ZBTB12: variants seen among roughly 807,000 people sequenced by gnomAD.
The protein encoded by ZBTB12 is zinc finger and BTB domain containing 12.
ZBTB12 carries 1 observed loss-of-function variant against 6.4 expected under a neutral mutation model. The ratio of observed to expected loss-of-function variants is 0.16; its 90% CI spans 0.06 to 0.74. The LOEUF (loss-of-function observed/expected upper bound fraction) is 0.74, where lower values mean the gene tolerates loss of function less well. Among genes scored for constraint, ZBTB12 ranks in the 30% least tolerant of loss-of-function variants. ZBTB12 has a pLI of 0.78. For synonymous variants in ZBTB12, 273 were observed against 262.5 expected (o/e 1.04, Z -0.39); for missense variants, 344 against 613.9 (o/e 0.56, Z 4.65).
rs375461795 is a variant in ZBTB12 at position 31,900,880 on chromosome 6, G to A, written c.426C>T (p.Ser142=). ...TGGTGGCGCTGATGCTGCTCACAAG[G>A]CTAGCCTCACTGACCCCATCCTCTT... ...GLKEDGVSEA[S]LVSSISATKS... is the part of the protein sequence containing the mutation. Residue 142 remains serine (S), a synonymous_variant, in exon 2 of 2, where the codon AGC becomes AGT. Coordinates refer to ENST00000375527, the MANE Select transcript of ZBTB12 (RefSeq NM_181842.3). The surrounding 1 kb of genome is among the most constrained non-coding windows in gnomAD (Gnocchi z 9.7). 1 of 1,613,738 alleles carries A rather than the reference G, an allele frequency of 6.2e-7. No homozygotes were observed. The highest frequency in any genetic ancestry group is 8.5e-7 in the Non-Finnish European group (1 of 1,180,026).
chr6:31,901,280 C>G lies in ZBTB12; in HGVS notation c.26G>C (p.Arg9Pro). Residue 9 changes from arginine to proline, a missense_variant, in exon 2 of 2, where the codon CGC (arginine) becomes CCC (proline). By Grantham distance (103) the Arg-to-Pro change is moderately radical (BLOSUM62 -2). Around this residue, in one of 5 missense-constraint regions of ZBTB12, gnomAD observed 17 missense variants for 16.5 expected, o/e 1.03. Coordinates refer to ENST00000375527, the MANE Select transcript of ZBTB12 (RefSeq NM_181842.3). The stretch of plus-strand genomic sequence containing the variant: ...GGCCTCGTGGCCGGGCAGCTGGAAG[C>G]GCAGGACTTCCACCCCAGAGGCCAT... Reference protein sequence around the residue: MASGVEVLRFQLPGHEAAT... With the variant: MASGVEVLPFQLPGHEAAT... 6.2e-7 allele frequency: 1 copy of G among 1,612,036 alleles called. No homozygotes were observed. Among genetic ancestry groups the G allele is most frequent in the Non-Finnish European group, 8.5e-7 (1 of 1,179,072 alleles).
chr6:31,901,026 C>G lies in ZBTB12; in HGVS notation c.280G>C (p.Glu94Gln). 1 of 1,614,200 alleles carries G rather than the reference C, an allele frequency of 6.2e-7. No homozygotes were observed. The highest frequency in any genetic ancestry group is 8.5e-7 in the Non-Finnish European group (1 of 1,180,042). Residue 94 changes from glutamate to glutamine, a missense_variant, in exon 2 of 2, where the codon GAA (glutamate) becomes CAA (glutamine). Transcript: ENST00000375527. ...LLLSCYTGAL[E>Q]FAVRDIVNYL... is the part of the protein sequence containing the mutation. ...TTGACGATGTCCCTAACAGCGAATT[C>G]CAAGGCGCCCGTGTAGCAGGAGAGG... is the stretch of plus-strand genomic sequence containing the variant.
At position 31,900,797 on chromosome 6, in the gene ZBTB12, G is replaced by T; in HGVS notation, c.509C>A (p.Pro170His). 1 of 1,597,888 alleles carries T rather than the reference G, an allele frequency of 6.3e-7. No homozygotes were observed. The highest frequency in any genetic ancestry group is 8.5e-7 in the Non-Finnish European group (1 of 1,170,986). Residue 170 changes from proline to histidine, a missense_variant, in exon 2 of 2, where the codon CCT becomes CAT. Pro to His is a moderately conservative substitution (Grantham distance 77, BLOSUM62 -2). This residue lies in a region of ZBTB12 where 241 missense variants were observed against 315.4 expected (regional missense o/e 0.76). Coordinates refer to ENST00000375527, the MANE Select transcript of ZBTB12 (RefSeq NM_181842.3). This position sits in a 1 kb window ranked among gnomAD's most constrained non-coding sequence, Gnocchi z 9.7. ...PKPAPKPPPP[P>H]PLPPPLLRPV... is the part of the protein sequence containing the mutation. ...CCGCAGGAGTGGAGGGGGTAGAGGAGGTGGGGGTGGGGGCTTCGGGGCTGG... is the reference window on the plus strand; with the variant it reads ...CCGCAGGAGTGGAGGGGGTAGAGGATGTGGGGGTGGGGGCTTCGGGGCTGG...
Position 31,901,358 on chromosome 6 carries a change from G to A in ZBTB12, c.-20-33C>T, listed in dbSNP as rs12525922. ...GGAAGGAAACCGGTCAGAGACAAAGGTCTCTGGCTCTCCGAAGCCAAGGCT... is the reference window on the plus strand; with the variant it reads ...GGAAGGAAACCGGTCAGAGACAAAGATCTCTGGCTCTCCGAAGCCAAGGCT... On this transcript the variant is annotated intron_variant, in intron 1 of 1. Transcript: ENST00000375527. 0.01 allele frequency: 15,732 copies of A among 1,542,306 alleles called. 882 individuals carry two copies. In the Admixed American group the frequency reaches 0.15, roughly 15 times the overall value.
chr6:31,900,471 G>A lies in ZBTB12; in HGVS notation c.835C>T (p.Leu279=). 6.3e-7 allele frequency: 1 copy of A among 1,599,322 alleles called. No homozygotes were observed. The highest frequency in any genetic ancestry group is 1.3e-5 in the African/African-American group (1 of 74,640). The stretch of plus-strand genomic sequence containing the variant: ...CTGGCCCGGCCTCCGGGAATCAACA[G>A]CAGGCCCTCCCCTTCTGCATCTTCC... ...LSEDAEGEGL[L]LIPGGRASVG... Residue 279 remains leucine (L), a synonymous_variant, in exon 2 of 2, where the codon CTG becomes TTG. Transcript: ENST00000375527. This position sits in a 1 kb window ranked among gnomAD's most constrained non-coding sequence, Gnocchi z 9.7.
rs774937056 is a variant in ZBTB12, at chr6:31,900,217, G to C, written c.1089C>G (p.Arg363=). ...RAQHFIFMCP[R]CGKQFNHSSN... is the part of the protein sequence containing the mutation. The stretch of plus-strand genomic sequence containing the variant: ...TGCTGTGGTTGAACTGCTTGCCACA[G>C]CGAGGGCACATGAAGATGAAGTGCT... The change falls in exon 2 of 2, where the codon CGC becomes CGG. Residue 363 remains arginine, a synonymous_variant. Coordinates refer to ENST00000375527, the MANE Select transcript of ZBTB12 (RefSeq NM_181842.3). The surrounding 1 kb of genome is among the most constrained non-coding windows in gnomAD (Gnocchi z 9.7). 5.0e-6 allele frequency: 8 copies of C among 1,614,140 alleles called. No homozygotes were observed. In the Admixed American group the frequency reaches 1.0e-4, roughly 20 times the overall value.
At chr6:31,901,366 C>T in intron 1 of ZBTB12, 41 bp from the exon 2 acceptor site, 1 of 1,519,950 alleles carries the variant, frequency 6.6e-7, no homozygotes, top group East Asian at 2.3e-5. Flanking sequence ...AGGTCTCTGG[C>T]TCTCCGAAGC....
In ZBTB12 at chr6:31,901,236, T is replaced by A; in HGVS notation, c.70A>T (p.Asn24Tyr). 1.9e-6 allele frequency: 3 copies of A among 1,613,430 alleles called. No individual in the cohort carries two copies. The highest frequency in any genetic ancestry group is 2.5e-6 in the Non-Finnish European group (3 of 1,179,958). Reference protein sequence around the residue: ...GHEAATLRNMNQLRAEERFCD... With the variant: ...GHEAATLRNMYQLRAEERFCD... Reference sequence around the variant, plus strand: ...AACCGCTCCTCTGCCCGGAGCTGGTTCATGTTCCGTAGCGTTGCGGCCTCG... The same window carrying A: ...AACCGCTCCTCTGCCCGGAGCTGGTACATGTTCCGTAGCGTTGCGGCCTCG... Residue 24 changes from asparagine (N) to tyrosine (Y), a missense_variant, in exon 2 of 2, where the codon AAC becomes TAC. By Grantham distance (143) the Asn-to-Tyr change is moderately radical. Around this residue, in one of 5 missense-constraint regions of ZBTB12, gnomAD observed 50 missense variants for 139.1 expected, o/e 0.36. Transcript: ENST00000375527.
Position 31,901,255 on chromosome 6 carries a change from G to C in ZBTB12, c.51C>G (p.Ala17=). ...VLRFQLPGHE[A]ATLRNMNQLR... ...GCTGGTTCATGTTCCGTAGCGTTGC[G>C]GCCTCGTGGCCGGGCAGCTGGAAGC... Residue 17 remains alanine, a synonymous_variant, in exon 2 of 2, where the codon GCC becomes GCG. Transcript: ENST00000375527. 1 of 1,612,746 alleles carries C rather than the reference G, an allele frequency of 6.2e-7. No individual in the cohort carries two copies. Among genetic ancestry groups the C allele is most frequent in the Non-Finnish European group, 8.5e-7 (1 of 1,179,470 alleles).
rs1307114977 is a variant in ZBTB12 at position 31,901,093 on chromosome 6, C to T, written c.213G>A (p.Gln71=). Residue 71 remains glutamine, a synonymous_variant, in exon 2 of 2, where the codon CAG becomes CAA. Transcript: ENST00000375527. ...QFLLNPSSEL[Q]VSLMHSARIV... is the part of the protein sequence containing the mutation. Reference sequence around the variant, plus strand: ...TGCGTGCACTGTGCATCAGGGAGACCTGCAGCTCCGAGCTGGGGTTCAGCA... The same window carrying T: ...TGCGTGCACTGTGCATCAGGGAGACTTGCAGCTCCGAGCTGGGGTTCAGCA... The T allele has an allele frequency of 8.1e-6, 13 of 1,614,126 alleles. No individual in the cohort carries two copies. Among genetic ancestry groups the T allele is most frequent in the Non-Finnish European group, 1.1e-5 (13 of 1,180,054 alleles).
chr6:31,900,976 C>T lies in ZBTB12; in HGVS notation c.330G>A (p.Leu110=), dbSNP rs1767200790. 6.2e-7 allele frequency: 1 copy of T among 1,614,090 alleles called. No individual in the cohort carries two copies. Among genetic ancestry groups the T allele is most frequent in the African/African-American group, 1.3e-5 (1 of 74,918 alleles). ...IVNYLTAASY[L]QMEHVVEKCR... is the part of the protein sequence containing the mutation. ...ATTTCTCCACCACGTGCTCCATCTGCAGGTAGGAGGCGGCTGTAAGGTAGT... is the reference window on the plus strand; with the variant it reads ...ATTTCTCCACCACGTGCTCCATCTGTAGGTAGGAGGCGGCTGTAAGGTAGT... The change falls in exon 2 of 2, where the codon CTG becomes CTA. Residue 110 remains leucine (L), a synonymous_variant. Transcript: ENST00000375527. The surrounding 1 kb of genome is among the most constrained non-coding windows in gnomAD (Gnocchi z 9.7).
chr6:31,901,351 G>C, intron 1 of ZBTB12, 26 bp from the exon 2 acceptor site: 1 of 1,564,910 alleles, frequency 6.4e-7, no homozygotes, highest in Non-Finnish European at 8.7e-7. Context: ...ACCGGTCAGA[G>C]ACAAAGGTCT....
At position 31,899,672 on chromosome 6, in the gene ZBTB12, G is replaced by A; in HGVS notation, c.*254C>T. 1.9e-6 allele frequency: 1 copy of A among 516,296 alleles called. No individual in the cohort carries two copies. Among genetic ancestry groups the A allele is most frequent in the Non-Finnish European group, 3.4e-6 (1 of 292,896 alleles). 32.0% of individuals were successfully genotyped at this position (516,296 alleles called of 1,614,324 possible). The stretch of plus-strand genomic sequence containing the variant: ...TCCACATATACATGCACTTCTAAGA[G>A]AAGGAAATCTTTCTCTGGGACCCCG... On this transcript the variant is annotated 3_prime_UTR_variant, in exon 2 of 2. Transcript: ENST00000375527.
chr6:31,900,199 G>A lies in ZBTB12; in HGVS notation c.1107C>T (p.Asn369=). ...TGTGGCGGTTGAGGTTGCTGCTGTG[G>A]TTGAACTGCTTGCCACAGCGAGGGC... is the stretch of plus-strand genomic sequence containing the variant. The part of the protein sequence containing the change: ...FMCPRCGKQF[N]HSSNLNRHMN... Residue 369 remains asparagine, a synonymous_variant, in exon 2 of 2, where the codon AAC becomes AAT. Transcript: ENST00000375527. The surrounding 1 kb of genome is among the most constrained non-coding windows in gnomAD (Gnocchi z 9.7). 6.2e-7 allele frequency: 1 copy of A among 1,614,206 alleles called. No homozygotes were observed. Among genetic ancestry groups the A allele is most frequent in the Non-Finnish European group, 8.5e-7 (1 of 1,180,048 alleles).
rs762361655 is a variant in ZBTB12, at chr6:31,900,187, G to A, written c.1119C>T (p.Asn373=). Residue 373 remains asparagine, a synonymous_variant, in exon 2 of 2, where the codon AAC becomes AAT. Transcript: ENST00000375527. The surrounding 1 kb of genome is among the most constrained non-coding windows in gnomAD (Gnocchi z 9.7). ...RCGKQFNHSS[N]LNRHMNVHRG... Reference sequence around the variant, plus strand: ...GATGCACGTTCATGTGGCGGTTGAGGTTGCTGCTGTGGTTGAACTGCTTGC... The same window carrying A: ...GATGCACGTTCATGTGGCGGTTGAGATTGCTGCTGTGGTTGAACTGCTTGC... 4.3e-6 allele frequency: 7 copies of A among 1,614,106 alleles called. No individual in the cohort carries two copies. The African/African-American group carries it at 9.3e-5, about 22-fold the overall frequency.
Position 31,902,057 on chromosome 6 carries a change from G to T in ZBTB12, c.-241C>A. On this transcript the variant is annotated 5_prime_UTR_variant, in exon 1 of 2. Transcript: ENST00000375527. ...CAGGCCCCGCGCGCGCGGCGGCGGC[G>T]GCGTCGGCTAGGACTCGGGGAGGAG... 1 of 151,106 alleles carries T rather than the reference G, an allele frequency of 6.6e-6. No individual in the cohort carries two copies. The highest frequency in any genetic ancestry group is 2.0e-4 in the South Asian group (1 of 4,890). 9.4% of individuals were successfully genotyped at this position (151,106 alleles called of 1,614,324 possible). A position where few individuals can be genotyped will look rare whatever the true frequency, so the allele number is the denominator to read the frequency against.
Position 31,900,613 on chromosome 6 carries a change from C to A in ZBTB12, c.693G>T (p.Gly231=). ...HRLKPPGGLG[G]GLGIGGSVGG... is the part of the protein sequence containing the mutation. ...CCACGGAGCCTCCAATGCCCAGACC[C>A]CCTCCCAGGCCTCCAGGGGGTTTGA... is the stretch of plus-strand genomic sequence containing the variant. The change falls in exon 2 of 2, where the codon GGG becomes GGT. Residue 231 remains glycine, a synonymous_variant. Transcript: ENST00000375527. The surrounding 1 kb of genome is among the most constrained non-coding windows in gnomAD (Gnocchi z 9.7). 6.2e-7 allele frequency: 1 copy of A among 1,612,750 alleles called. No homozygotes were observed. The highest frequency in any genetic ancestry group is 8.5e-7 in the Non-Finnish European group (1 of 1,180,028).
In ZBTB12 at chr6:31,899,922, G is replaced by T. The variant is rs773110322; in HGVS notation, c.*4C>A. On this transcript the variant is annotated 3_prime_UTR_variant, in exon 2 of 2. Coordinates refer to ENST00000375527, the MANE Select transcript of ZBTB12 (RefSeq NM_181842.3). ...CCAGCCTCCTGGCCTCCACGCCTGCGCGGCTAGCGGATGAGGACGTTAATC... is the reference window on the plus strand; with the variant it reads ...CCAGCCTCCTGGCCTCCACGCCTGCTCGGCTAGCGGATGAGGACGTTAATC... The T allele has an allele frequency of 6.4e-7, 1 of 1,570,200 alleles. No individual in the cohort carries two copies. The highest frequency in any genetic ancestry group is 8.6e-7 in the Non-Finnish European group (1 of 1,156,640).
intron 1 of ZBTB12, 47 bp from the exon 2 acceptor site, chr6:31,901,372 G>A: frequency 6.7e-7 from 1 of 1,501,848 alleles, no homozygotes; most frequent in Non-Finnish European, 8.9e-7. Context: ...CTGGCTCTCC[G>A]AAGCCAAGGC....
Sources: gnomAD v4.1 joint callset for allele counts on GRCh38, gnomAD v4.1.1 for gene constraint, gnomAD v4.1.1 regional missense constraint, Gnocchi (gnomAD v3.1) non-coding constraint, MANE v1.5 for transcripts, NCBI Gene and HGNC (gene_info 2026-07-23, HGNC 2026-07-21) for gene names.